Variants in PIAS1 observed in about 807,000 individuals in gnomAD.
PIAS1 encodes E3 SUMO-protein ligase PIAS1.
A neutral mutation model predicts 71.3 loss-of-function variants in PIAS1; 6 were observed. The observed-to-expected ratio is 0.08, with a 90% CI of 0.05 to 0.17. PIAS1 has a LOEUF of 0.17. PIAS1 is among the 10% of genes least tolerant of loss of function. The pLI is 1.00. For missense variants in PIAS1, 555 were observed against 793.6 expected (o/e 0.70, Z 3.61); for synonymous variants, 303 against 292.9 (o/e 1.03, Z -0.35).
intron 2 of PIAS1, among the ~76,000 whole-genome samples, chr15:68,099,571 T>C (rs62004781): frequency 0.13 from 20,385 of 151,998 alleles, 2,621 homozygotes; most frequent in East Asian, 0.66. Flanking sequence ...TTATCCTGAG[T>C]ATTCATGTAC....
At chr15:68,092,500 A>G (rs1374375492) in intron 2 of PIAS1, among the ~76,000 whole-genome samples, 1 of 152,114 alleles carries the variant, frequency 6.6e-6, no homozygotes, top group East Asian at 1.9e-4. Flanking sequence ...CTAATGTTCT[A>G]ATTCAATGTT....
rs1182069128 is a variant in PIAS1 at position 68,171,251 on chromosome 15, C to T, written c.1009-2481C>T. ...ACTGGAACGTCTTCAGTGGCAGTAA[C>T]AGACATGGAGCTGTTCTCTCTTATG... is the stretch of plus-strand genomic sequence containing the variant. On this transcript the variant is annotated intron_variant, in intron 8 of 13. Coordinates refer to ENST00000249636, the MANE Select transcript of PIAS1 (RefSeq NM_016166.3). This position sits in a 1 kb window ranked among gnomAD's most constrained non-coding sequence, Gnocchi z 4.4. 6.6e-6 allele frequency among the ~76,000 whole-genome samples: 1 copy of T among 152,216 alleles called. No individual in the cohort carries two copies. The highest frequency in any genetic ancestry group is 1.5e-5 in the Non-Finnish European group (1 of 68,040).
chr15:68,147,237 C>G (rs1448374025), intron 6 of PIAS1, among the ~76,000 whole-genome samples: 1 of 152,166 alleles, frequency 6.6e-6, no homozygotes, highest in Admixed American at 6.5e-5. Context: ...CTCTGACTTT[C>G]AGTGTTATTT....
chr15:68,138,496 C>T (rs1481097246), intron 2 of PIAS1, among the ~76,000 whole-genome samples: 2 of 152,060 alleles, frequency 1.3e-5, no homozygotes, highest in African/African-American at 2.4e-5. Flanking sequence ...ATGAATGAGA[C>T]GGAGTTTCAC....
At chr15:68,141,659 T>C (rs1461802342) in intron 2 of PIAS1, among the ~76,000 whole-genome samples, 1 of 152,190 alleles carries the variant, frequency 6.6e-6, no homozygotes, top group Non-Finnish European at 1.5e-5. Flanking sequence ...GCTCTTTAGA[T>C]GCAAACATTT....
chr15:68,093,588 T>G (rs1380539208), intron 2 of PIAS1, among the ~76,000 whole-genome samples: 1 of 152,234 alleles, frequency 6.6e-6, no homozygotes, highest in Non-Finnish European at 1.5e-5. Context: ...GAGAATAATT[T>G]AAGTGGTTTA....
chr15:68,159,544 T>A (rs575872453), intron 7 of PIAS1, among the ~76,000 whole-genome samples: 1 of 152,208 alleles, frequency 6.6e-6, no homozygotes, highest in East Asian at 1.9e-4. Context: ...TTTTCCAGAA[T>A]GTCAGGTAAA....
At chr15:68,141,397 G>C (rs1441075656) in intron 2 of PIAS1, among the ~76,000 whole-genome samples, 1 of 151,886 alleles carries the variant, frequency 6.6e-6, no homozygotes, top group Non-Finnish European at 1.5e-5. Flanking sequence ...TTGAGTTAGT[G>C]ACAATAAGCA....
rs572266742 is a variant in PIAS1 at position 68,180,476 on chromosome 15, A to G, written c.1482-736A>G. On this transcript the variant is annotated intron_variant, in intron 11 of 13. Coordinates refer to ENST00000249636, the MANE Select transcript of PIAS1 (RefSeq NM_016166.3). ...AATTGTTAGTAAATTTTAAAAAAAA[A>G]GCTACTTAGCTATTTAAACTTTTCA... Among the ~76,000 whole-genome samples the G allele has an allele frequency of 1.1e-3, 167 of 151,168 alleles. 2 individuals carry two copies. Among genetic ancestry groups the G allele is most frequent in the African/African-American group, 3.9e-3 (159 of 41,258 alleles).
chr15:68,113,474 A>G (rs1352882715), intron 2 of PIAS1, among the ~76,000 whole-genome samples: 1 of 152,206 alleles, frequency 6.6e-6, no homozygotes, highest in Non-Finnish European at 1.5e-5. Context: ...GAACTGACCC[A>G]GTCCTGTTTC....
At chr15:68,122,539 A>G (rs8030738) in intron 2 of PIAS1, among the ~76,000 whole-genome samples, 151,407 of 152,346 alleles carry the variant, frequency 0.99, 75,247 homozygotes, top group Middle Eastern at 1. Flanking sequence ...AGAGGCTAGT[A>G]AGTTGCTGCT....
In PIAS1 at chr15:68,073,176, C is replaced by T. The variant is rs999306991; in HGVS notation, c.25-13130C>T. 9.5e-4 allele frequency among the ~76,000 whole-genome samples: 145 copies of T among 152,210 alleles called. 1 individual carries two copies. Among genetic ancestry groups the T allele is most frequent in the African/African-American group, 3.3e-3 (135 of 41,524 alleles). On this transcript the variant is annotated intron_variant, in intron 1 of 13. Transcript: ENST00000249636. ...GACTACAGGTACCTGCCACCACGCC[C>T]GGCTCATTTTTTTGTATTTTTTAGT...
At chr15:68,120,077 G>A (rs1398390369) in intron 2 of PIAS1, among the ~76,000 whole-genome samples, 1 of 152,176 alleles carries the variant, frequency 6.6e-6, no homozygotes, top group Non-Finnish European at 1.5e-5. Context: ...TGAGTAGGTG[G>A]GACTACAGGC....
At chr15:68,141,084 T>G (rs1472767170) in intron 2 of PIAS1, among the ~76,000 whole-genome samples, 1 of 152,100 alleles carries the variant, frequency 6.6e-6, no homozygotes, top group Admixed American at 6.6e-5. Context: ...ATGCCTATAG[T>G]CCTACCTACT....
At chr15:68,058,853 G>A (rs2091925250) in intron 1 of PIAS1, among the ~76,000 whole-genome samples, 1 of 152,050 alleles carries the variant, frequency 6.6e-6, no homozygotes, top group South Asian at 2.1e-4. Flanking sequence ...ATATGTATAT[G>A]TATATTCATC....
Position 68,175,763 on chromosome 15 carries a change from C to A in PIAS1, c.1296C>A (p.Val432=). ...AAGTTTCTGCCTCTTACAATGGAGT[C>A]GATGGTGAGTAGTTCTTCACAAGGA... is the stretch of plus-strand genomic sequence containing the variant. The part of the protein sequence containing the change: ...VQEVSASYNG[V]DGCLSSTLEH... The change falls in exon 10 of 14, where the codon GTC becomes GTA. Residue 432 remains valine (V), a synonymous_variant. Transcript: ENST00000249636. The A allele has an allele frequency of 6.2e-7, 1 of 1,601,432 alleles. No individual in the cohort carries two copies. The highest frequency in any genetic ancestry group is 1.1e-5 in the South Asian group (1 of 88,964).
intron 2 of PIAS1, among the ~76,000 whole-genome samples, chr15:68,137,164 C>A (rs1427832272): frequency 2.0e-5 from 3 of 152,158 alleles, no homozygotes; most frequent in African/African-American, 7.2e-5. Context: ...TGAAATCTCA[C>A]ACCTGGGAAT....
intron 1 of PIAS1, among the ~76,000 whole-genome samples, chr15:68,085,825 G>T (rs1457378404): frequency 6.6e-6 from 1 of 152,224 alleles, no homozygotes; most frequent in Non-Finnish European, 1.5e-5. Flanking sequence ...AGTAACACTT[G>T]ATAATAGCTA....
chr15:68,086,458 A>G lies in PIAS1; in HGVS notation c.177A>G (p.Glu59=). The G allele has an allele frequency of 6.2e-7, 1 of 1,613,840 alleles. No individual in the cohort carries two copies. ...CTGCTGTGCAAATGAAAATTAAGGA[A>G]CTCTATAGGCGGCGGTTCCCACAGA... The part of the protein sequence containing the change: ...CSPAVQMKIK[E]LYRRRFPQKI... The change falls in exon 2 of 14, where the codon GAA becomes GAG. Residue 59 remains glutamate (E), a synonymous_variant. Coordinates refer to ENST00000249636, the MANE Select transcript of PIAS1 (RefSeq NM_016166.3). The surrounding 1 kb of genome is among the most constrained non-coding windows in gnomAD (Gnocchi z 7.2).
Sources: allele counts gnomAD v4.1 joint callset (sites outside exome capture counted in the v4.1 genomes callset), GRCh38; gene constraint gnomAD v4.1.1; non-coding constraint Gnocchi (gnomAD v3.1); transcripts MANE v1.5; gene names NCBI Gene and HGNC (gene_info 2026-07-23, HGNC 2026-07-21).